The following SCAPER variants were observed in gnomAD, a reference collection of about 807,000 sequenced individuals.
SCAPER encodes the protein S-phase cyclin A associated protein in the ER.
A neutral mutation model predicts 182.2 loss-of-function variants in SCAPER; 98 were observed. The observed-to-expected ratio is 0.54, with a 90% CI of 0.46 to 0.64. The LOEUF is 0.64. Among genes scored for constraint, SCAPER ranks in the 30% least tolerant of loss-of-function variants. The pLI is 0.00. For synonymous variants in SCAPER, 605 were observed against 564.6 expected (o/e 1.07, Z -1.01); for missense variants, 1,432 against 1,690.0 (o/e 0.85, Z 2.68).
At chr15:76,625,717 T>C (rs1465152213) in intron 21 of SCAPER, among the ~76,000 whole-genome samples, 1 of 152,132 alleles carries the variant, frequency 6.6e-6, no homozygotes, top group East Asian at 1.9e-4. Flanking sequence ...GGTCTCCAAG[T>C]AGCTTCTTAT....
At chr15:76,386,191 C>A (rs200098212) in intron 27 of SCAPER, among the ~76,000 whole-genome samples, 1 of 152,114 alleles carries the variant, frequency 6.6e-6, no homozygotes. Context: ...ATTGTGATTA[C>A]CCTGAATTAT....
intron 14 of SCAPER, among the ~76,000 whole-genome samples, chr15:76,755,222 T>C (rs2062347967): frequency 6.6e-6 from 1 of 152,152 alleles, no homozygotes; most frequent in East Asian, 1.9e-4. Flanking sequence ...AATAATACAT[T>C]GACTCTTGCA....
rs1016670718 is a variant in SCAPER at position 76,428,729 on chromosome 15, T to C, written c.3311+5349A>G. Among the ~76,000 whole-genome samples the C allele has an allele frequency of 7.9e-5, 12 of 151,626 alleles. 1 individual carries two copies. Among genetic ancestry groups the C allele is most frequent in the African/African-American group, 1.7e-4 (7 of 41,214 alleles). On this transcript the variant is annotated intron_variant, in intron 26 of 31. Transcript: ENST00000563290. ...GAATAAATTCTGGTGTTCTATTGCA[T>C]AGTAGAGTGACTACGGTTAACAGTA... is the stretch of plus-strand genomic sequence containing the variant.
At chr15:76,900,679 C>G in intron 1 of SCAPER, among the ~76,000 whole-genome samples, 1 of 152,176 alleles carries the variant, frequency 6.6e-6, no homozygotes. Context: ...TAAAGATGGG[C>G]TCAAGTGCCA....
At chr15:76,682,167 G>A (rs534166638) in intron 20 of SCAPER, among the ~76,000 whole-genome samples, 18 of 152,060 alleles carry the variant, frequency 1.2e-4, no homozygotes, top group Non-Finnish European at 2.6e-4. Flanking sequence ...CCAGCCTACC[G>A]ACAACCTTCC....
intron 27 of SCAPER, among the ~76,000 whole-genome samples, chr15:76,397,607 A>C (rs1317227328): frequency 6.9e-6 from 1 of 144,672 alleles, no homozygotes; most frequent in Non-Finnish European, 1.5e-5. Flanking sequence ...CAGCCTCCCC[A>C]GTAGCTGGGA....
chr15:76,521,299 CT>C (rs1470339420), intron 23 of SCAPER, among the ~76,000 whole-genome samples: 1 of 151,482 alleles, frequency 6.6e-6, no homozygotes, highest in Non-Finnish European at 1.5e-5. Context: ...TATAAACAGG[CT>C]TTGTTAATAT....
At chr15:76,550,530 C>A (rs2045670724) in intron 23 of SCAPER, among the ~76,000 whole-genome samples, 1 of 152,096 alleles carries the variant, frequency 6.6e-6, no homozygotes, top group Non-Finnish European at 1.5e-5. Context: ...GATCTCGTTC[C>A]TTTTTATGGC....
intron 8 of SCAPER, among the ~76,000 whole-genome samples, chr15:76,787,356 C>T (rs2064685736): frequency 6.6e-6 from 1 of 152,012 alleles, no homozygotes. Context: ...ATTGCAAATG[C>T]AATTCAACAG....
intron 6 of SCAPER, among the ~76,000 whole-genome samples, chr15:76,802,192 T>C (rs2065846162): frequency 6.6e-6 from 1 of 152,032 alleles, no homozygotes; most frequent in African/African-American, 2.4e-5. Flanking sequence ...ATTGTAAGGA[T>C]ATAAACTGTA....
intron 25 of SCAPER, among the ~76,000 whole-genome samples, chr15:76,470,511 C>T (rs1028222945): frequency 1.3e-5 from 2 of 152,122 alleles, no homozygotes; most frequent in South Asian, 2.1e-4. Context: ...AGTAAAAGTA[C>T]ATTGGTTCTG....
intron 23 of SCAPER, among the ~76,000 whole-genome samples, chr15:76,509,742 C>T (rs1193725204): frequency 6.6e-6 from 1 of 151,994 alleles, no homozygotes; most frequent in Non-Finnish European, 1.5e-5. Context: ...TCACATGGAA[C>T]CAAAAAAGAG....
chr15:76,761,384 G>C (rs2062778773), intron 14 of SCAPER, among the ~76,000 whole-genome samples: 1 of 151,842 alleles, frequency 6.6e-6, no homozygotes. Flanking sequence ...GGTTAGTTTT[G>C]TTTCTTCTTT....
chr15:76,635,977 T>G (rs1455152558), intron 21 of SCAPER, among the ~76,000 whole-genome samples: 1 of 152,228 alleles, frequency 6.6e-6, no homozygotes, highest in Non-Finnish European at 1.5e-5. Context: ...TGAGGAATAC[T>G]GCACCTATAT....
chr15:76,619,547 C>G (rs2146067496), intron 22 of SCAPER, among the ~76,000 whole-genome samples: 1 of 152,084 alleles, frequency 6.6e-6, no homozygotes, highest in South Asian at 2.1e-4. Context: ...TTAGAGAGAG[C>G]TAATTTGTTT....
intron 15 of SCAPER, among the ~76,000 whole-genome samples, chr15:76,735,097 G>C (rs1162932622): frequency 1.3e-5 from 2 of 152,090 alleles, no homozygotes; most frequent in African/African-American, 4.8e-5. Flanking sequence ...TGTAATCCCA[G>C]CACGTTAGGA....
At chr15:76,734,596 A>C (rs938121481) in intron 15 of SCAPER, among the ~76,000 whole-genome samples, 3 of 152,200 alleles carry the variant, frequency 2.0e-5, no homozygotes, top group African/African-American at 7.2e-5. Flanking sequence ...AATACAAGAT[A>C]GGCCAGGTGT....
intron 23 of SCAPER, among the ~76,000 whole-genome samples, chr15:76,557,485 T>C (rs1234867247): frequency 2.0e-5 from 3 of 152,214 alleles, no homozygotes; most frequent in Non-Finnish European, 2.9e-5. Flanking sequence ...GGGCTTCTTA[T>C]GAATGGTTTA....
chr15:76,534,864 T>G lies in SCAPER; in HGVS notation c.2839-29890A>C, dbSNP rs868518456. On this transcript the variant is annotated intron_variant, in intron 23 of 31. Transcript: ENST00000563290. ...TATAATATTGCTGATTTTTTATGTT[T>G]GTCTATAAATGTTTATAATTCCTAC... Among the ~76,000 whole-genome samples the G allele has an allele frequency of 2.0e-5, 3 of 152,184 alleles. No individual in the cohort carries two copies. In the South Asian group the frequency reaches 6.2e-4, roughly 32 times the overall value.
Sources: gnomAD v4.1 joint callset for allele counts (sites outside exome capture counted in the v4.1 genomes callset) on GRCh38, gnomAD v4.1.1 for gene constraint, MANE v1.5 for transcripts, NCBI Gene and HGNC (gene_info 2026-07-23, HGNC 2026-07-21) for gene names.